KCMF1: variants seen among roughly 807,000 people sequenced by gnomAD.
The protein encoded by KCMF1 is E3 ubiquitin-protein ligase KCMF1.
In KCMF1, 3 loss-of-function variants were observed where a neutral mutation model predicts 41.1. The observed-to-expected ratio is 0.07, with a 90% confidence interval of 0.03 to 0.19. KCMF1 has a LOEUF of 0.19. Ranked by LOEUF, KCMF1 falls within the 10% of genes least tolerant of loss-of-function variation. KCMF1 has a pLI of 1.00. For missense variants in KCMF1, 286 were observed against 488.9 expected, an observed-to-expected ratio of 0.58 and a Z score of 3.91; for synonymous variants, 142 against 164.5, an observed-to-expected ratio of 0.86 and a Z score of 1.04.
chr2:84,988,418 C>G (rs756800241), intron 1 of KCMF1, among the ~76,000 whole-genome samples: 1 of 152,108 alleles, frequency 6.6e-6, no homozygotes, highest in Non-Finnish European at 1.5e-5. Flanking sequence ...CTAAACAGTC[C>G]TATGAGATAT....
intron 4 of KCMF1, among the ~76,000 whole-genome samples, 185 bp from the exon 5 acceptor site, chr2:85,045,919 A>G (rs1675657209): frequency 6.6e-6 from 1 of 152,150 alleles, no homozygotes; most frequent in African/African-American, 2.4e-5. Context: ...GTTGCCTTAC[A>G]TTTGAGTGTC....
intron 1 of KCMF1, among the ~76,000 whole-genome samples, chr2:85,027,360 T>C (rs1675132598): frequency 6.9e-6 from 1 of 144,126 alleles, no homozygotes; most frequent in African/African-American, 2.5e-5. Flanking sequence ...TGCTGGCTTA[T>C]CAAGGCTTTT....
At chr2:84,979,034 GAT>G (rs981328838) in intron 1 of KCMF1, among the ~76,000 whole-genome samples, 2 of 151,920 alleles carry the variant, frequency 1.3e-5, no homozygotes, top group Non-Finnish European at 2.9e-5. Flanking sequence ...TTTTAGTAGA[GAT>G]GGGATTTCAC....
rs1476173740 is a variant in KCMF1 at position 85,059,287 on chromosome 2, C to T, written c.*5878C>T. On this transcript the variant is annotated 3_prime_UTR_variant, in exon 7 of 7. Coordinates refer to ENST00000409785, the MANE Select transcript of KCMF1 (RefSeq NM_020122.5). ...TAGCAGCCACCATGTGTGCTGACCACTCACGATTCAGACTTACCTTGGAAA... is the reference window on the plus strand; with the variant it reads ...TAGCAGCCACCATGTGTGCTGACCATTCACGATTCAGACTTACCTTGGAAA... 6.6e-6 allele frequency: 1 copy of T among 152,198 alleles called. No individual in the cohort carries two copies. The highest frequency in any genetic ancestry group is 1.9e-4 in the East Asian group (1 of 5,202). 9.4% of individuals were successfully genotyped at this position (152,198 alleles called of 1,614,324 possible). A position where few individuals can be genotyped will look rare whatever the true frequency, so the allele number is the denominator to read the frequency against.
intron 2 of KCMF1, among the ~76,000 whole-genome samples, chr2:85,032,168 T>C (rs1464780429): frequency 6.6e-6 from 1 of 151,998 alleles, no homozygotes; most frequent in Non-Finnish European, 1.5e-5. Context: ...TTGTTTTGTT[T>C]GTTGGTTGGT....
At chr2:85,032,578 T>A (rs889630739) in intron 2 of KCMF1, among the ~76,000 whole-genome samples, 3 of 152,058 alleles carry the variant, frequency 2.0e-5, no homozygotes, top group African/African-American at 7.2e-5. Context: ...GGTTTCACCA[T>A]GTTGGCCAGG....
intron 3 of KCMF1, among the ~76,000 whole-genome samples, chr2:85,042,825 A>C (rs1675572109): frequency 6.6e-6 from 1 of 152,000 alleles, no homozygotes. Context: ...TATAGAAACC[A>C]CCTTCCCAAC....
chr2:85,007,106 A>C (rs905135958), intron 1 of KCMF1, among the ~76,000 whole-genome samples: 9 of 151,270 alleles, frequency 5.9e-5, no homozygotes, highest in African/African-American at 1.9e-4. Flanking sequence ...AGTCTCAAAA[A>C]AAAAAAAAAA....
chr2:84,988,725 A>G (rs1673963646), intron 1 of KCMF1, among the ~76,000 whole-genome samples: 1 of 152,212 alleles, frequency 6.6e-6, no homozygotes, highest in African/African-American at 2.4e-5. Context: ...TAAGAGAGAA[A>G]GCCAGGATTT....
chr2:84,974,349 T>A (rs934000776), intron 1 of KCMF1, among the ~76,000 whole-genome samples: 1 of 152,110 alleles, frequency 6.6e-6, no homozygotes, highest in Admixed American at 6.6e-5. Flanking sequence ...CCCACCCTAA[T>A]GAATTACACT....
rs964775203 is a variant in KCMF1 at position 85,053,801 on chromosome 2, A to G, written c.*392A>G. On this transcript the variant is annotated 3_prime_UTR_variant, in exon 7 of 7. Coordinates refer to ENST00000409785, the MANE Select transcript of KCMF1 (RefSeq NM_020122.5). ...CTGCATGAGGTTTTTTGCAGCGTGCATGAGTTTTAGTGACCTTGTTATTTA... is the reference window on the plus strand; with the variant it reads ...CTGCATGAGGTTTTTTGCAGCGTGCGTGAGTTTTAGTGACCTTGTTATTTA... 4.4e-5 allele frequency: 7 copies of G among 160,222 alleles called. No individual in the cohort carries two copies. Among genetic ancestry groups the G allele is most frequent in the African/African-American group, 1.7e-4 (7 of 41,760 alleles). 9.9% of individuals were successfully genotyped at this position (160,222 alleles called of 1,614,324 possible).
intron 1 of KCMF1, among the ~76,000 whole-genome samples, chr2:84,974,994 A>C (rs1673508966): frequency 6.6e-6 from 1 of 152,098 alleles, no homozygotes; most frequent in South Asian, 2.1e-4. Context: ...GGCGTAAGCC[A>C]CCGCACCTGG....
At chr2:85,020,842 C>G (rs1031818732) in intron 1 of KCMF1, among the ~76,000 whole-genome samples, 1 of 152,058 alleles carries the variant, frequency 6.6e-6, no homozygotes, top group Non-Finnish European at 1.5e-5. Flanking sequence ...TTATGTTTCT[C>G]CATAGCACTT....
intron 1 of KCMF1, among the ~76,000 whole-genome samples, chr2:84,988,905 T>G (rs566747554): frequency 6.6e-6 from 1 of 152,294 alleles, no homozygotes; most frequent in African/African-American, 2.4e-5. Context: ...CCATGAGACT[T>G]TGTATAAACA....
chr2:84,982,389 CTTTTTTTTTT>C (rs34687477), intron 1 of KCMF1, among the ~76,000 whole-genome samples: 26 of 47,258 alleles, frequency 5.5e-4, no homozygotes, highest in South Asian at 1.3e-3. Context: ...TCCTTATTTT[CTTTTTTTTTT>C]TTTTTTTTTT....
intron 1 of KCMF1, among the ~76,000 whole-genome samples, chr2:84,985,454 T>C (rs1673876907): frequency 6.6e-6 from 1 of 152,240 alleles, no homozygotes; most frequent in African/African-American, 2.4e-5. Flanking sequence ...TTGACCCCTG[T>C]TACTCTATTA....
chr2:85,009,904 C>G (rs944581616), intron 1 of KCMF1, among the ~76,000 whole-genome samples: 1 of 152,182 alleles, frequency 6.6e-6, no homozygotes, highest in African/African-American at 2.4e-5. Context: ...AGCAGTTCTT[C>G]ACCCTAACTA....
intron 1 of KCMF1, among the ~76,000 whole-genome samples, chr2:84,990,301 A>G (rs1284925808): frequency 6.6e-6 from 1 of 152,206 alleles, no homozygotes; most frequent in Non-Finnish European, 1.5e-5. Context: ...CACCTAGTGC[A>G]TATTTTGGCA....
intron 1 of KCMF1, among the ~76,000 whole-genome samples, chr2:84,971,798 G>A (rs1252184272): frequency 4.0e-5 from 6 of 151,092 alleles, no homozygotes; most frequent in Admixed American, 3.3e-4. Context: ...CGGACGCCAA[G>A]GCCCGCCCGG....
Sources: gnomAD v4.1 joint callset for allele counts (sites outside exome capture counted in the v4.1 genomes callset) on GRCh38, gnomAD v4.1.1 for gene constraint, MANE v1.5 for transcripts, NCBI Gene and HGNC (gene_info 2026-07-23, HGNC 2026-07-21) for gene names.